TP53BP1: variants seen among roughly 807,000 people sequenced by gnomAD.
TP53BP1 encodes tumor protein p53 binding protein 1.
A neutral mutation model predicts 200.8 loss-of-function variants in TP53BP1; 61 were observed. The observed-to-expected ratio is 0.30, with a 90% CI of 0.25 to 0.38. TP53BP1 has a LOEUF of 0.38. Among genes scored for constraint, TP53BP1 ranks in the 10% least tolerant of loss-of-function variants. The probability of loss-of-function intolerance (pLI) is 1.00; values close to 1 mark genes in which losing one functional copy is unlikely to be tolerated. For synonymous variants in TP53BP1, 822 were observed against 844.3 expected (o/e 0.97, Z 0.46); for missense variants, 2,144 against 2,371.9 (o/e 0.90, Z 2.00).
At chr15:43,494,216 G>A (rs1416459928), upstream of TP53BP1, among the ~76,000 whole-genome samples, 1 of 152,166 alleles carries the variant, frequency 6.6e-6, no homozygotes, top group Non-Finnish European at 1.5e-5. Context: ...CATTCAATAT[G>A]AGGCAGTTTT....
chr15:43,502,151 T>C (rs2079212455), intron 1 of TP53BP1, among the ~76,000 whole-genome samples: 1 of 151,958 alleles, frequency 6.6e-6, no homozygotes, highest in Non-Finnish European at 1.5e-5. Flanking sequence ...AGGCCTTATC[T>C]CTACAAAAAA....
intron 11 of TP53BP1, among the ~76,000 whole-genome samples, chr15:43,458,696 T>C (rs1163664838): frequency 1.3e-5 from 2 of 151,942 alleles, no homozygotes; most frequent in African/African-American, 4.8e-5. Context: ...AGCAGGATCC[T>C]TGAGCCACAG....
chr15:43,505,705 G>A (rs2079232221), intron 1 of TP53BP1, among the ~76,000 whole-genome samples: 1 of 152,200 alleles, frequency 6.6e-6, no homozygotes, highest in Non-Finnish European at 1.5e-5. Flanking sequence ...AGTAATAAAT[G>A]CAGACTTCTT....
At chr15:43,494,212 A>G (rs923417664), upstream of TP53BP1, among the ~76,000 whole-genome samples, 1 of 152,212 alleles carries the variant, frequency 6.6e-6, no homozygotes, top group African/African-American at 2.4e-5. Flanking sequence ...TAGGCATTCA[A>G]TATGAGGCAG....
At position 43,403,218 on chromosome 15, in the gene TP53BP1, AG is replaced by A. The variant is rs1314639409; in HGVS notation, c.*4164del. The A allele has an allele frequency of 6.5e-6, 1 of 152,944 alleles. No homozygotes were observed. Among genetic ancestry groups the A allele is most frequent in the Non-Finnish European group, 1.5e-5 (1 of 68,570 alleles). The allele number at this position is 152,944 out of a possible 1,614,324, so 9.5% of individuals were successfully genotyped here. A position where few individuals can be genotyped will look rare whatever the true frequency, so the allele number is the denominator to read the frequency against. ...CATACAAAAATCAGTAACAACACAG[AG>A]GCCTGAACAATTGCCAAGTGGACAA... On this transcript the variant is annotated 3_prime_UTR_variant, in exon 28 of 28. Transcript: ENST00000382044.
chr15:43,404,125 G>A lies in TP53BP1; in HGVS notation c.*3258C>T. On this transcript the variant is annotated 3_prime_UTR_variant, in exon 28 of 28. Transcript: ENST00000382044. ...ATCTCACTGAGATAATTATCTGCTT[G>A]TAATCAAAACGGGTTCTCCCCAACC... The A allele has an allele frequency of 2.0e-6, 1 of 510,366 alleles. No individual in the cohort carries two copies. The highest frequency in any genetic ancestry group is 1.9e-5 in the African/African-American group (1 of 52,522). The allele number at this position is 510,366 out of a possible 1,614,324, so 31.6% of individuals were successfully genotyped here.
intron 1 of TP53BP1, among the ~76,000 whole-genome samples, chr15:43,510,063 A>G (rs1366008890): frequency 6.6e-6 from 1 of 151,096 alleles, no homozygotes; most frequent in East Asian, 1.9e-4. Flanking sequence ...CAGTCATAAA[A>G]CAGTGCAAGG....
chr15:43,461,213 T>C (rs766603826), intron 11 of TP53BP1, among the ~76,000 whole-genome samples: 3 of 144,168 alleles, frequency 2.1e-5, no homozygotes, highest in South Asian at 4.3e-4. Context: ...TGGTTACAAA[T>C]AGGAATTTTA....
At chr15:43,487,563 C>T (rs1383209846) in intron 4 of TP53BP1, among the ~76,000 whole-genome samples, 1 of 152,034 alleles carries the variant, frequency 6.6e-6, no homozygotes, top group African/African-American at 2.4e-5. Flanking sequence ...GAGGCTGAGG[C>T]AGGCAGATCA....
At chr15:43,440,008 C>G (rs534892758) in intron 15 of TP53BP1, among the ~76,000 whole-genome samples, 168 of 152,170 alleles carry the variant, frequency 1.1e-3, no homozygotes, top group Non-Finnish European at 1.8e-3. Context: ...TACTAATAGC[C>G]CAATGAGGAA....
At chr15:43,408,833 C>T (rs148650145) in intron 26 of TP53BP1, 64 bp downstream of exon 26, 2 of 1,521,130 alleles carry the variant, frequency 1.3e-6, no homozygotes, top group Non-Finnish European at 1.8e-6. Context: ...CACCTAGATT[C>T]TCTTCCCTCC....
chr15:43,456,693 G>C lies in TP53BP1; in HGVS notation c.1915C>G (p.Arg639Gly), dbSNP rs1298603817. Residue 639 changes from arginine to glycine, a missense_variant, in exon 12 of 28, where the codon CGA becomes GGA. Physicochemically the swap from Arg to Gly is moderately radical, Grantham distance 125. Around this residue, in one of 4 missense-constraint regions of TP53BP1, gnomAD observed 1,700 missense variants for 1,710.3 expected, o/e 0.99. Transcript: ENST00000382044. ...AACACACTAGAAAGTGCCTCAGATC[G>C]AGTAGCTGGTGACGGAACTGCCTGA... The part of the protein sequence containing the change: ...GSQAVPSPAT[R>G]SEALSSVLDQ... 1.2e-6 allele frequency: 2 copies of C among 1,613,950 alleles called. No homozygotes were observed. Among genetic ancestry groups the C allele is most frequent in the African/African-American group, 1.3e-5 (1 of 74,900 alleles).
In TP53BP1 at chr15:43,406,223, CAT is replaced by C. The variant is rs1272378899; in HGVS notation, c.*1158_*1159del. ...CCAGCCATCACTGGTAATCAATATT[CAT>C]ATCAGTGTAAGTAAAAAGAAATATT... On this transcript the variant is annotated 3_prime_UTR_variant, in exon 28 of 28. Transcript: ENST00000382044. 2 of 171,814 alleles carry C rather than the reference CAT, an allele frequency of 1.2e-5. No individual in the cohort carries two copies. The highest frequency in any genetic ancestry group is 2.5e-5 in the Non-Finnish European group (2 of 80,464). 10.6% of individuals were successfully genotyped at this position (171,814 alleles called of 1,614,324 possible). A position where few individuals can be genotyped will look rare whatever the true frequency, so the allele number is the denominator to read the frequency against.
At chr15:43,479,361 A>T in intron 7 of TP53BP1, 36 bp downstream of exon 7, 2 of 1,567,292 alleles carry the variant, frequency 1.3e-6, no homozygotes, top group Non-Finnish European at 8.6e-7. Context: ...ACCCTACAGC[A>T]AAACTCGTAA....
rs140883866 is a variant in TP53BP1 at position 43,445,782 on chromosome 15, C to T, written c.3040+605G>A. Among the ~76,000 whole-genome samples, 84 of 152,246 alleles carry T rather than the reference C, an allele frequency of 5.5e-4. 1 individual carries two copies. Among genetic ancestry groups the T allele is most frequent in the African/African-American group, 1.9e-3 (81 of 41,540 alleles). Reference sequence around the variant, plus strand: ...TCATCCCTCATCTCCAGCCCCACTACCAATGACCTCACTTTCTGGTTAAAG... The same window carrying T: ...TCATCCCTCATCTCCAGCCCCACTATCAATGACCTCACTTTCTGGTTAAAG... On this transcript the variant is annotated intron_variant, in intron 14 of 27. Coordinates refer to ENST00000382044, the MANE Select transcript of TP53BP1 (RefSeq NM_001141980.3).
At chr15:43,425,889 C>A (rs959679260) in intron 18 of TP53BP1, among the ~76,000 whole-genome samples, 1 of 151,922 alleles carries the variant, frequency 6.6e-6, no homozygotes, top group Admixed American at 6.6e-5. Flanking sequence ...CACGGTGAAA[C>A]CCTGTCTCTA....
intron 15 of TP53BP1, 22 bp downstream of exon 15, chr15:43,441,504 A>C (rs375940889): frequency 6.3e-7 from 1 of 1,575,128 alleles, no homozygotes. Context: ...TTAAACTCTA[A>C]ATAGCATCCA....
At chr15:43,501,213 T>C (rs1473986325) in intron 1 of TP53BP1, among the ~76,000 whole-genome samples, 11 of 151,946 alleles carry the variant, frequency 7.2e-5, no homozygotes, top group Admixed American at 7.2e-4. Context: ...ATTTTTTTTT[T>C]TTTTAAGAGA....
At position 43,404,758 on chromosome 15, in the gene TP53BP1, C is replaced by G. The variant is rs567430793; in HGVS notation, c.*2625G>C. 12 of 603,778 alleles carry G rather than the reference C, an allele frequency of 2.0e-5. No homozygotes were observed. The highest frequency in any genetic ancestry group is 7.1e-5 in the South Asian group (3 of 42,028). The allele number at this position is 603,778 out of a possible 1,614,324, so 37.4% of individuals were successfully genotyped here. On this transcript the variant is annotated 3_prime_UTR_variant, in exon 28 of 28. Transcript: ENST00000382044. ...TCATCATCATAAAATACTAAAAAAC[C>G]TGACAGTGAGATAGGTGTTAAGTCC... is the stretch of plus-strand genomic sequence containing the variant.
Sources: gnomAD v4.1 joint callset for allele counts (sites outside exome capture counted in the v4.1 genomes callset) on GRCh38, gnomAD v4.1.1 for gene constraint, gnomAD v4.1.1 regional missense constraint, MANE v1.5 for transcripts, NCBI Gene and HGNC (gene_info 2026-07-23, HGNC 2026-07-21) for gene names.